The following CELF1 variants were observed in gnomAD, a reference collection of about 807,000 sequenced individuals.
The protein encoded by CELF1 is CUGBP Elav-like family member 1, also known as 50 kDa nuclear polyadenylated RNA-binding protein.
CELF1 carries 10 observed loss-of-function variants against 61.8 expected under a neutral mutation model. The observed-to-expected ratio is 0.16, with a 90% CI of 0.10 to 0.27. The LOEUF is 0.27. Among genes scored for constraint, CELF1 ranks in the 10% least tolerant of loss-of-function variants. The probability of loss-of-function intolerance (pLI) is 1.00; values close to 1 mark genes in which losing one functional copy is unlikely to be tolerated. For synonymous variants in CELF1, 236 were observed against 225.1 expected (o/e 1.05, Z -0.43); for missense variants, 380 against 639.1 (o/e 0.59, Z 4.37).
At chr11:47,529,358 G>C (rs751358119) in intron 1 of CELF1, among the ~76,000 whole-genome samples, 1 of 151,992 alleles carries the variant, frequency 6.6e-6, no homozygotes. Context: ...AGACCAGCCC[G>C]GGTAACGTGG....
chr11:47,484,879 T>C (rs911453754), intron 6 of CELF1, among the ~76,000 whole-genome samples: 27 of 152,188 alleles, frequency 1.8e-4, no homozygotes, highest in African/African-American at 4.8e-4. Context: ...GGTTTCTCCA[T>C]GTTGGTCAGG....
chr11:47,558,149 G>C (rs954282184), intron 2 of CELF1, among the ~76,000 whole-genome samples: 1 of 151,996 alleles, frequency 6.6e-6, no homozygotes, highest in Non-Finnish European at 1.5e-5. Context: ...GAGCCACCGC[G>C]CATGGCCGGA....
intron 6 of CELF1, among the ~76,000 whole-genome samples, chr11:47,484,739 C>T (rs1399796965): frequency 2.0e-5 from 3 of 152,156 alleles, no homozygotes; most frequent in African/African-American, 4.8e-5. Flanking sequence ...AGTGTAATGG[C>T]GCGATCTCGG....
At chr11:47,533,653 T>TACAC (rs2096548926) in intron 1 of CELF1, among the ~76,000 whole-genome samples, 1 of 150,784 alleles carries the variant, frequency 6.6e-6, no homozygotes, top group South Asian at 2.1e-4. Context: ...CATACATACA[T>TACAC]ACATAAATTA....
At chr11:47,481,092 TTTTC>T (rs1257593521) in intron 9 of CELF1, among the ~76,000 whole-genome samples, 4 of 105,430 alleles carry the variant, frequency 3.8e-5, no homozygotes, top group African/African-American at 8.6e-5. Context: ...TTTTTTTTTT[TTTTC>T]TTCTTCTTTT....
At chr11:47,542,040 A>T (rs2096820459) in intron 1 of CELF1, among the ~76,000 whole-genome samples, 1 of 152,110 alleles carries the variant, frequency 6.6e-6, no homozygotes, top group Non-Finnish European at 1.5e-5. Flanking sequence ...TAAAAAGAAG[A>T]CCTGGAGGTC....
At chr11:47,478,973 C>G in intron 9 of CELF1, 21 bp from the exon 10 acceptor site, 1 of 1,600,980 alleles carries the variant, frequency 6.2e-7, no homozygotes, top group Non-Finnish European at 8.5e-7. Flanking sequence ...CACCAAAAAA[C>G]AGAACAAGAG....
intron 13 of CELF1, among the ~76,000 whole-genome samples, chr11:47,473,771 A>G (rs1315370986): frequency 6.6e-6 from 1 of 152,244 alleles, no homozygotes; most frequent in Non-Finnish European, 1.5e-5. Flanking sequence ...GCTGTATGCC[A>G]AAATCAGTGA....
chr11:47,489,935 G>GTTTTTTTTTTTTTTTGTTTTTTTTTT (rs2090305885), intron 3 of CELF1, among the ~76,000 whole-genome samples: 2 of 48,226 alleles, frequency 4.1e-5, no homozygotes, highest in South Asian at 9.8e-4. Flanking sequence ...ATACCATCTT[G>GTTTTTTTTTTTTTTTGTTTTTTTTTT]TTTTTTTTTT....
rs12269874 is a variant in CELF1 at position 47,529,827 on chromosome 11, G to C, written c.-154+23165C>G. On this transcript the variant is annotated intron_variant, in intron 1 of 14. Transcript: ENST00000687097. ...CAGGGTAAGACTTAAAAAAAAAAGA[G>C]AGACAAATACTTGGGCAGGGGACAG... 2.1e-3 allele frequency among the ~76,000 whole-genome samples: 322 copies of C among 152,094 alleles called. 2 individuals are homozygous for C. Among genetic ancestry groups the C allele is most frequent in the African/African-American group, 7.4e-3 (307 of 41,502 alleles).
Position 47,475,484 on chromosome 11 carries a change from G to C in CELF1, c.1125C>G (p.Gly375=). 1 of 1,613,970 alleles carries C rather than the reference G, an allele frequency of 6.2e-7. No homozygotes were observed. The highest frequency in any genetic ancestry group is 8.5e-7 in the Non-Finnish European group (1 of 1,180,032). ...AALNGGLGSS[G]LSNGTGSTME... is the part of the protein sequence containing the mutation. ...TGGTGCTCCCGGTGCCATTGGAAAGGCCACTGCTGCCCAGGCCACCATTTA... is the reference window on the plus strand; with the variant it reads ...TGGTGCTCCCGGTGCCATTGGAAAGCCCACTGCTGCCCAGGCCACCATTTA... Residue 375 remains glycine (G), a synonymous_variant, in exon 13 of 15, where the codon GGC becomes GGG. Coordinates refer to ENST00000687097, the MANE Select transcript of CELF1 (RefSeq NM_001376376.1).
intron 9 of CELF1, among the ~76,000 whole-genome samples, chr11:47,480,336 C>T (rs57680742): frequency 0.11 from 17,148 of 152,192 alleles, 1,061 homozygotes; most frequent in Non-Finnish European, 0.14. Context: ...ATTTGCCTGC[C>T]TCGGCTTCCC....
intron 1 of CELF1, among the ~76,000 whole-genome samples, chr11:47,520,254 C>A (rs908830569): frequency 6.6e-6 from 1 of 152,186 alleles, no homozygotes; most frequent in African/African-American, 2.4e-5. Context: ...AGAGCTGATT[C>A]TTATTTCCCT....
At chr11:47,508,823 T>A (rs1455256585) in intron 1 of CELF1, among the ~76,000 whole-genome samples, 1 of 151,968 alleles carries the variant, frequency 6.6e-6, no homozygotes, top group African/African-American at 2.4e-5. Context: ...CAGGGTGGAG[T>A]GCAATGACGC....
At chr11:47,482,515 T>C in intron 9 of CELF1, 180 bp downstream of exon 9, 1 of 505,156 alleles carries the variant, frequency 2.0e-6, no homozygotes. Flanking sequence ...CAGAGATACA[T>C]ATATATAGAG....
At chr11:47,509,593 CA>C (rs915057679) in intron 1 of CELF1, among the ~76,000 whole-genome samples, 3 of 151,344 alleles carry the variant, frequency 2.0e-5, no homozygotes, top group African/African-American at 7.3e-5. Context: ...GAAAAAGGAG[CA>C]AAAAAAATGT....
At chr11:47,535,994 C>T (rs1263814253) in intron 1 of CELF1, among the ~76,000 whole-genome samples, 1 of 152,012 alleles carries the variant, frequency 6.6e-6, no homozygotes, top group Non-Finnish European at 1.5e-5. Context: ...GATCTCCTGA[C>T]CTTGTGATCC....
Position 47,484,252 on chromosome 11 carries a change from C to G in CELF1, c.526+137G>C, listed in dbSNP as rs1181713108. 3 of 841,038 alleles carry G rather than the reference C, an allele frequency of 3.6e-6. No individual in the cohort carries two copies. The African/African-American group carries it at 5.3e-5, about 15-fold the overall frequency. 52.1% of individuals were successfully genotyped at this position (841,038 alleles called of 1,614,324 possible). ...GGAGGCTGATCCTGGGAGGTTCAGG[C>G]TGCAGTGAGTTGTGAAGGCACCACT... On this transcript the variant is annotated intron_variant, in intron 7 of 14. Coordinates refer to ENST00000687097, the MANE Select transcript of CELF1 (RefSeq NM_001376376.1).
intron 1 of CELF1, among the ~76,000 whole-genome samples, chr11:47,507,407 C>T (rs895906076): frequency 6.6e-6 from 1 of 152,052 alleles, no homozygotes; most frequent in African/African-American, 2.4e-5. Flanking sequence ...CAACCACGTT[C>T]CTGCCACTGT....
Sources: allele counts gnomAD v4.1 joint callset (sites outside exome capture counted in the v4.1 genomes callset), GRCh38; gene constraint gnomAD v4.1.1; transcripts MANE v1.5; gene names NCBI Gene and HGNC (gene_info 2026-07-23, HGNC 2026-07-21).